The following PCDH15 variants were observed in gnomAD, a reference collection of about 807,000 sequenced individuals.
PCDH15 encodes the protein protocadherin-15.
In PCDH15, 129 loss-of-function variants were observed where a neutral mutation model predicts 178.5. The observed-to-expected ratio is 0.72, with a 90% CI of 0.63 to 0.84. The LOEUF is 0.84. PCDH15 is among the 40% of genes least tolerant of loss of function. PCDH15 has a pLI of 0.00. For synonymous variants in PCDH15, 800 were observed against 732.0 expected, an observed-to-expected ratio of 1.09 and a Z score of -1.50; for missense variants, 2,230 against 2,099.9, an observed-to-expected ratio of 1.06 and a Z score of -1.21.
chr10:54,126,741 A>G (rs1238048085), intron 15 of PCDH15, among the ~76,000 whole-genome samples: 2 of 152,064 alleles, frequency 1.3e-5, no homozygotes, highest in African/African-American at 2.4e-5. Context: ...CAATCATTCA[A>G]AGGTCAGTAC....
At chr10:55,104,787 T>G in intron 2 of PCDH15, among the ~76,000 whole-genome samples, 1 of 152,228 alleles carries the variant, frequency 6.6e-6, no homozygotes, top group South Asian at 2.1e-4. Flanking sequence ...GCATCACTAG[T>G]AGCACTTTGT....
chr10:55,373,159 G>T (rs1022343012), intron 2 of PCDH15, among the ~76,000 whole-genome samples: 3 of 152,122 alleles, frequency 2.0e-5, no homozygotes, highest in Non-Finnish European at 4.4e-5. Flanking sequence ...AGAAGCAGCA[G>T]AAGTAAATTT....
chr10:55,054,600 C>T (rs999523675), intron 2 of PCDH15, among the ~76,000 whole-genome samples: 3 of 152,166 alleles, frequency 2.0e-5, no homozygotes, highest in African/African-American at 7.2e-5. Context: ...TGAGGAATCT[C>T]CACACTATTT....
At chr10:54,079,210 A>T (rs1478270584) in intron 17 of PCDH15, 121 bp downstream of exon 17, 21 of 964,068 alleles carry the variant, frequency 2.2e-5, no homozygotes, top group Non-Finnish European at 3.5e-5. Context: ...CAACACTTCT[A>T]GTAATTATAA....
chr10:55,587,353 GC>G (rs1405098275), intron 2 of PCDH15, among the ~76,000 whole-genome samples: 1 of 151,816 alleles, frequency 6.6e-6, no homozygotes, highest in African/African-American at 2.4e-5. Flanking sequence ...CATATATAAG[GC>G]TTTTTAATTA....
At chr10:55,492,413 A>C (rs774758634) in intron 2 of PCDH15, among the ~76,000 whole-genome samples, 13 of 151,772 alleles carry the variant, frequency 8.6e-5, no homozygotes, top group Non-Finnish European at 1.6e-4. Flanking sequence ...GGAATGATGC[A>C]AGCATTTATT....
chr10:54,720,335 A>G (rs892943039), intron 1 of PCDH15, among the ~76,000 whole-genome samples: 3 of 152,092 alleles, frequency 2.0e-5, no homozygotes, highest in African/African-American at 7.2e-5. Flanking sequence ...ATAAATTGGA[A>G]AAGCCTCACT....
intron 3 of PCDH15, among the ~76,000 whole-genome samples, chr10:54,484,565 T>C (rs2078961692): frequency 6.6e-6 from 1 of 151,848 alleles, no homozygotes. Flanking sequence ...ACATAGAGCA[T>C]AGGAGTGAAT....
At chr10:54,393,517 C>T (rs1468233186) in intron 3 of PCDH15, among the ~76,000 whole-genome samples, 2 of 152,076 alleles carry the variant, frequency 1.3e-5, no homozygotes, top group African/African-American at 2.4e-5. Flanking sequence ...GGGAGGCAAA[C>T]GTTAAGAGGA....
At chr10:54,087,160 C>T (rs2094528089) in intron 16 of PCDH15, among the ~76,000 whole-genome samples, 1 of 152,118 alleles carries the variant, frequency 6.6e-6, no homozygotes, top group African/African-American at 2.4e-5. Flanking sequence ...GCTTTGTTAA[C>T]ATTTTAATTC....
chr10:55,368,385 A>C (rs1845417977), intron 2 of PCDH15, among the ~76,000 whole-genome samples: 1 of 152,086 alleles, frequency 6.6e-6, no homozygotes, highest in Non-Finnish European at 1.5e-5. Context: ...TTTGTAAATT[A>C]AAAATAACCA....
intron 36 of PCDH15, among the ~76,000 whole-genome samples, chr10:53,811,202 A>T (rs2075851574): frequency 6.6e-6 from 1 of 152,152 alleles, no homozygotes. Flanking sequence ...CAAAACTTTA[A>T]ACTGATTAGA....
Position 54,039,760 on chromosome 10 carries a change from A to G in PCDH15, c.2221-16563T>C, listed in dbSNP as rs960419719. On this transcript the variant is annotated intron_variant, in intron 18 of 37. Coordinates refer to ENST00000644397, the MANE Select transcript of PCDH15 (RefSeq NM_001384140.1). ...AAACTCCACTTCCTCCTAGGTTCTC[A>G]AGGGAACATATGACACTTGAGCTTT... 5.3e-5 allele frequency among the ~76,000 whole-genome samples: 8 copies of G among 152,000 alleles called. No homozygotes were observed. The East Asian group carries it at 1.2e-3, about 22-fold the overall frequency.
At chr10:55,603,662 A>G (rs1179371051) in intron 2 of PCDH15, among the ~76,000 whole-genome samples, 2 of 150,772 alleles carry the variant, frequency 1.3e-5, no homozygotes, top group East Asian at 3.9e-4. Flanking sequence ...TAATTGAAGG[A>G]GAAATAAAAT....
At chr10:55,227,876 T>C (rs1841097087) in intron 1 of PCDH15, among the ~76,000 whole-genome samples, 1 of 152,082 alleles carries the variant, frequency 6.6e-6, no homozygotes, top group Non-Finnish European at 1.5e-5. Context: ...CCTTATACAG[T>C]AACCACAAAA....
At chr10:53,944,375 C>A (rs2086348698) in intron 23 of PCDH15, among the ~76,000 whole-genome samples, 1 of 152,098 alleles carries the variant, frequency 6.6e-6, no homozygotes, top group African/African-American at 2.4e-5. Context: ...AGTTATCATT[C>A]ACTCTTCTTT....
intron 2 of PCDH15, among the ~76,000 whole-genome samples, chr10:55,025,383 G>T (rs1353922253): frequency 6.6e-6 from 1 of 152,088 alleles, no homozygotes. Context: ...TGCAATTAGA[G>T]AAATAATCTA....
chr10:54,517,149 G>C (rs373550753), intron 3 of PCDH15, among the ~76,000 whole-genome samples: 8 of 152,176 alleles, frequency 5.3e-5, no homozygotes, highest in East Asian at 3.9e-4. Flanking sequence ...GAAACTGCAT[G>C]AACTAACGAG....
At chr10:54,779,506 ATATGTGTG>A (rs1950139185) in intron 1 of PCDH15, among the ~76,000 whole-genome samples, 1 of 142,564 alleles carries the variant, frequency 7.0e-6, no homozygotes, top group Non-Finnish European at 1.5e-5. Flanking sequence ...ATACACACAT[ATATGTGTG>A]TATATATATA....
Sources: allele counts gnomAD v4.1 joint callset (sites outside exome capture counted in the v4.1 genomes callset), GRCh38; gene constraint gnomAD v4.1.1; transcripts MANE v1.5; gene names NCBI Gene and HGNC (gene_info 2026-07-23, HGNC 2026-07-21).